Variants in TRPC4 observed in about 807,000 individuals in gnomAD.
TRPC4 encodes transient receptor potential cation channel subfamily C member 4.
Under a neutral mutation model 99.4 loss-of-function variants are expected in TRPC4, and 49 were observed. The ratio of observed to expected loss-of-function variants is 0.49; its 90% CI spans 0.39 to 0.63. TRPC4 has a LOEUF of 0.63. TRPC4 is among the 20% of genes least tolerant of loss of function. The pLI is 0.00. For synonymous variants in TRPC4, 454 were observed against 425.9 expected (o/e 1.07, Z -0.81); for missense variants, 898 against 1,152.9 (o/e 0.78, Z 3.20).
At chr13:37,855,120 T>C (rs1252746124) in intron 1 of TRPC4, 1 of 151,614 alleles carries the variant, frequency 6.6e-6, no homozygotes. Flanking sequence ...ACACATAGAC[T>C]GAAAATAAAG....
At chr13:37,798,396 A>G (rs1957310233) in intron 1 of TRPC4, among the ~76,000 whole-genome samples, 1 of 151,982 alleles carries the variant, frequency 6.6e-6, no homozygotes, top group African/African-American at 2.4e-5. Context: ...ACCACTTCAG[A>G]AAAAAAATGG....
At chr13:37,726,693 T>C (rs887561911) in intron 3 of TRPC4, among the ~76,000 whole-genome samples, 1 of 152,072 alleles carries the variant, frequency 6.6e-6, no homozygotes. Flanking sequence ...GGCTCAACTA[T>C]ATGCTTTCTA....
At chr13:37,817,738 C>G (rs940442996) in intron 1 of TRPC4, among the ~76,000 whole-genome samples, 1 of 151,894 alleles carries the variant, frequency 6.6e-6, no homozygotes, top group Non-Finnish European at 1.5e-5. Flanking sequence ...GGCTGCACAC[C>G]TACAACTATT....
At chr13:37,784,707 C>A (rs2139358312) in intron 1 of TRPC4, among the ~76,000 whole-genome samples, 1 of 151,812 alleles carries the variant, frequency 6.6e-6, no homozygotes, top group South Asian at 2.1e-4. Flanking sequence ...AATGTTTTAA[C>A]CATAGATTAA....
At chr13:37,825,384 T>C (rs932296637) in intron 1 of TRPC4, among the ~76,000 whole-genome samples, 2 of 151,264 alleles carry the variant, frequency 1.3e-5, no homozygotes, top group Non-Finnish European at 3.0e-5. Flanking sequence ...ATTTTGGATC[T>C]TTCCTGCTTT....
chr13:37,840,531 T>G (rs1037644344), intron 1 of TRPC4, among the ~76,000 whole-genome samples: 5 of 152,024 alleles, frequency 3.3e-5, no homozygotes, highest in Non-Finnish European at 5.9e-5. Context: ...CCTCTAATGT[T>G]GATAATTATT....
rs573790918 is a variant in TRPC4 at position 37,848,379 on chromosome 13, A to G, written c.-28+21216T>C. Among the ~76,000 whole-genome samples, 4 of 152,298 alleles carry G rather than the reference A, an allele frequency of 2.6e-5. No homozygotes were observed. The East Asian group carries it at 5.8e-4, about 22-fold the overall frequency. On this transcript the variant is annotated intron_variant, in intron 1 of 10. Transcript: ENST00000379705. ...AACTTTAATATAAAAACCATTGTAT[A>G]CCAACTGCTATCACAGCACCATCCA...
At chr13:37,831,735 A>G (rs138036692) in intron 1 of TRPC4, among the ~76,000 whole-genome samples, 2 of 152,366 alleles carry the variant, frequency 1.3e-5, no homozygotes, top group African/African-American at 4.8e-5. Flanking sequence ...ATTTGTGACA[A>G]CATAGATGTA....
chr13:37,715,991 A>C (rs1314389435), intron 3 of TRPC4, among the ~76,000 whole-genome samples: 1 of 152,234 alleles, frequency 6.6e-6, no homozygotes, highest in Non-Finnish European at 1.5e-5. Flanking sequence ...CAAGGCGTAC[A>C]CATAGGCATT....
intron 3 of TRPC4, among the ~76,000 whole-genome samples, chr13:37,731,790 G>A (rs1955247074): frequency 1.3e-5 from 2 of 151,998 alleles, no homozygotes; most frequent in African/African-American, 4.8e-5. Flanking sequence ...TTTTGTATAT[G>A]TTTGCCTAAA....
chr13:37,704,875 G>A (rs1954216401), intron 3 of TRPC4, among the ~76,000 whole-genome samples: 1 of 151,996 alleles, frequency 6.6e-6, no homozygotes, highest in Non-Finnish European at 1.5e-5. Context: ...CATTCATTAT[G>A]GAAAATAGTA....
chr13:37,741,286 A>T (rs1204669924), intron 3 of TRPC4, among the ~76,000 whole-genome samples: 1 of 152,212 alleles, frequency 6.6e-6, no homozygotes, highest in East Asian at 1.9e-4. Flanking sequence ...AGGAATGACT[A>T]CATGGAAGTA....
intron 1 of TRPC4, 22 bp from the exon 2 acceptor site, chr13:37,783,382 A>G (rs750382691): frequency 2.9e-5 from 43 of 1,498,312 alleles, no homozygotes; most frequent in South Asian, 8.6e-5. Context: ...AACAAAAAAC[A>G]CAAAGATTAG....
At chr13:37,718,911 C>T (rs557616059) in intron 3 of TRPC4, among the ~76,000 whole-genome samples, 151 of 151,870 alleles carry the variant, frequency 9.9e-4, no homozygotes, top group African/African-American at 2.6e-3. Flanking sequence ...CATAAATTTA[C>T]GGAATCAAGA....
intron 3 of TRPC4, among the ~76,000 whole-genome samples, chr13:37,723,337 A>C (rs183880481): frequency 1.3e-5 from 2 of 152,310 alleles, no homozygotes; most frequent in East Asian, 1.9e-4. Flanking sequence ...ATGAGAATAA[A>C]CACCTAATCC....
intron 2 of TRPC4, among the ~76,000 whole-genome samples, chr13:37,766,252 TA>T (rs1166265358): frequency 6.6e-6 from 1 of 151,354 alleles, no homozygotes; most frequent in Non-Finnish European, 1.5e-5. Context: ...AGCAGGAAAG[TA>T]GGAAAGATTT....
chr13:37,783,548 A>T (rs1169027593), intron 1 of TRPC4, among the ~76,000 whole-genome samples, 188 bp from the exon 2 acceptor site: 1 of 152,072 alleles, frequency 6.6e-6, no homozygotes, highest in East Asian at 1.9e-4. Context: ...ATGTGGAAAC[A>T]AAGTTTTCTT....
intron 6 of TRPC4, among the ~76,000 whole-genome samples, chr13:37,659,290 C>T (rs1952351485): frequency 6.6e-6 from 1 of 151,750 alleles, no homozygotes; most frequent in Non-Finnish European, 1.5e-5. Flanking sequence ...GAAAGGACCC[C>T]TGCACCTCCC....
chr13:37,790,660 C>T (rs7996522), intron 1 of TRPC4, among the ~76,000 whole-genome samples: 2,815 of 152,258 alleles, frequency 0.018, 86 homozygotes, highest in African/African-American at 0.064. Flanking sequence ...TATTAGGTCA[C>T]AAAAATTGCC....
Sources: allele counts gnomAD v4.1 joint callset (sites outside exome capture counted in the v4.1 genomes callset), GRCh38; gene constraint gnomAD v4.1.1; transcripts MANE v1.5; gene names NCBI Gene and HGNC (gene_info 2026-07-23, HGNC 2026-07-21).